Variants in RBMS3 observed in about 807,000 individuals in gnomAD.
RBMS3 encodes the protein RNA binding motif single stranded interacting protein 3.
RBMS3 carries 27 observed loss-of-function variants against 66.8 expected under a neutral mutation model. The observed-to-expected ratio is 0.40, with a 90% CI of 0.30 to 0.56. The LOEUF (loss-of-function observed/expected upper bound fraction) is 0.56. RBMS3 is among the 20% of genes least tolerant of loss of function. The pLI is 0.40. For missense variants in RBMS3, 513 were observed against 549.5 expected, an observed-to-expected ratio of 0.93 and a Z score of 0.66; for synonymous variants, 188 against 183.0, an observed-to-expected ratio of 1.03 and a Z score of -0.22.
chr3:29,796,960 C>T (rs2057219026), intron 6 of RBMS3, among the ~76,000 whole-genome samples: 1 of 152,058 alleles, frequency 6.6e-6, no homozygotes, highest in Admixed American at 6.5e-5. Flanking sequence ...GATCTGCCCG[C>T]CTCAGTCACC....
At chr3:29,953,074 G>A (rs1695787092) in intron 12 of RBMS3, among the ~76,000 whole-genome samples, 2 of 151,932 alleles carry the variant, frequency 1.3e-5, no homozygotes, top group Non-Finnish European at 2.9e-5. Flanking sequence ...GTTGAACTGT[G>A]GAGCATCTCA....
chr3:29,496,525 C>G (rs1576011348), intron 3 of RBMS3, among the ~76,000 whole-genome samples: 1 of 152,256 alleles, frequency 6.6e-6, no homozygotes, highest in East Asian at 1.9e-4. Context: ...TCCTGTGACT[C>G]TTTTAAGAAA....
chr3:29,739,309 A>T (rs1034317946), intron 4 of RBMS3, among the ~76,000 whole-genome samples: 16 of 152,042 alleles, frequency 1.1e-4, no homozygotes, highest in Admixed American at 5.2e-4. Flanking sequence ...ACAAAAAATT[A>T]GCTGGGCGTG....
At chr3:29,719,932 T>G in intron 4 of RBMS3, among the ~76,000 whole-genome samples, 1 of 60,942 alleles carries the variant, frequency 1.6e-5, no homozygotes, top group South Asian at 6.7e-4. Context: ...TACAGATACA[T>G]TTTTTTTTTT....
chr3:29,739,512 G>GT lies in RBMS3; in HGVS notation c.400-208_400-207insT, dbSNP rs138492985. Among the ~76,000 whole-genome samples, 596 of 151,776 alleles carry GT rather than the reference G, an allele frequency of 3.9e-3. 12 individuals are homozygous for GT. Among genetic ancestry groups the GT allele is most frequent in the Admixed American group, 0.033 (496 of 15,246 alleles). On this transcript the variant is annotated intron_variant, in intron 4 of 14. Transcript: ENST00000383767. ...TTAGTCTTTCTAAGGAATGATGGAT[G>GT]GAGAGCTTGGCTTTCATTGATCATT...
chr3:29,447,428 A>G (rs1448993197), intron 2 of RBMS3, among the ~76,000 whole-genome samples: 2 of 152,196 alleles, frequency 1.3e-5, no homozygotes, highest in African/African-American at 4.8e-5. Flanking sequence ...TCACATCATT[A>G]TGAGGGCCAT....
rs528610866 is a variant in RBMS3 at position 29,994,541 on chromosome 3, T to C, written c.1307+3332T>C. Among the ~76,000 whole-genome samples the C allele has an allele frequency of 8.6e-3, 1,306 of 152,294 alleles. 12 individuals are homozygous for C. Among genetic ancestry groups the C allele is most frequent in the African/African-American group, 0.029 (1,195 of 41,560 alleles). ...ACTTAAATGTCTCTGTCTGACAGCTTTGAAGAGAGCAGTGGTTCTCCCAGC... is the reference window on the plus strand; with the variant it reads ...ACTTAAATGTCTCTGTCTGACAGCTCTGAAGAGAGCAGTGGTTCTCCCAGC... On this transcript the variant is annotated intron_variant, in intron 14 of 14. Transcript: ENST00000383767.
intron 2 of RBMS3, among the ~76,000 whole-genome samples, chr3:29,463,378 T>C (rs17023643): frequency 0.024 from 3,654 of 152,288 alleles, 145 homozygotes; most frequent in African/African-American, 0.082. Context: ...TGTATGAATC[T>C]AGCTTTTGAG....
intron 4 of RBMS3, among the ~76,000 whole-genome samples, chr3:29,649,355 A>C (rs141230716): frequency 8.5e-5 from 13 of 152,174 alleles, no homozygotes; most frequent in Non-Finnish European, 1.8e-4. Context: ...TGTCACGTGA[A>C]TTTATCATCA....
intron 6 of RBMS3, among the ~76,000 whole-genome samples, chr3:29,780,511 A>T (rs2056593429): frequency 6.6e-6 from 1 of 152,146 alleles, no homozygotes; most frequent in African/African-American, 2.4e-5. Context: ...CTTTTAAAAA[A>T]ATCACCTTAA....
intron 4 of RBMS3, among the ~76,000 whole-genome samples, chr3:29,613,631 T>TCAAA (rs1447932731): frequency 4.0e-5 from 6 of 151,674 alleles, no homozygotes; most frequent in African/African-American, 9.7e-5. Context: ...TATAAGAAGC[T>TCAAA]CAAACAACTC....
intron 1 of RBMS3, among the ~76,000 whole-genome samples, chr3:29,304,725 G>T (rs1438142546): frequency 6.6e-6 from 1 of 151,870 alleles, no homozygotes; most frequent in Non-Finnish European, 1.5e-5. Context: ...TCATTAACTG[G>T]TTATTCCACC....
At chr3:29,368,548 G>C (rs948506751) in intron 1 of RBMS3, among the ~76,000 whole-genome samples, 1 of 149,872 alleles carries the variant, frequency 6.7e-6, no homozygotes, top group Non-Finnish European at 1.5e-5. Context: ...AAAAATGAGA[G>C]TTCACAAGGA....
chr3:29,883,042 T>A (rs1458183450), intron 7 of RBMS3, among the ~76,000 whole-genome samples: 1 of 152,010 alleles, frequency 6.6e-6, no homozygotes, highest in Non-Finnish European at 1.5e-5. Context: ...TCTAATTCAG[T>A]TTTAAATTCG....
At chr3:29,301,611 G>A (rs530578758) in intron 1 of RBMS3, among the ~76,000 whole-genome samples, 12 of 152,088 alleles carry the variant, frequency 7.9e-5, no homozygotes, top group Non-Finnish European at 1.2e-4. Context: ...ACAATTGGGC[G>A]TATTTTCTTT....
intron 1 of RBMS3, among the ~76,000 whole-genome samples, chr3:29,283,069 C>T (rs1185710310): frequency 6.6e-6 from 1 of 152,026 alleles, no homozygotes; most frequent in East Asian, 1.9e-4. Context: ...TAAGTTTTAA[C>T]TCTTTGGGGG....
At chr3:29,839,617 A>G (rs2058613954) in intron 6 of RBMS3, among the ~76,000 whole-genome samples, 1 of 151,524 alleles carries the variant, frequency 6.6e-6, no homozygotes, top group African/African-American at 2.4e-5. Context: ...TTAGAATAAT[A>G]TTGAAATGTT....
At chr3:29,717,891 G>A (rs1576605376) in intron 4 of RBMS3, among the ~76,000 whole-genome samples, 2 of 152,010 alleles carry the variant, frequency 1.3e-5, no homozygotes, top group African/African-American at 4.8e-5. Context: ...TGCTGCAAGC[G>A]TTTTGTATTT....
intron 4 of RBMS3, among the ~76,000 whole-genome samples, chr3:29,594,234 GT>G (rs2047866349): frequency 1.3e-5 from 2 of 152,018 alleles, no homozygotes; most frequent in African/African-American, 4.8e-5. Flanking sequence ...GAGTTGTCTG[GT>G]TTCAAGTCAT....
Sources: allele counts gnomAD v4.1 joint callset (sites outside exome capture counted in the v4.1 genomes callset), GRCh38; gene constraint gnomAD v4.1.1; transcripts MANE v1.5; gene names NCBI Gene and HGNC (gene_info 2026-07-23, HGNC 2026-07-21).